ACTN2: variants seen among roughly 807,000 people sequenced by gnomAD.
ACTN2 encodes actinin alpha 2.
Under a neutral mutation model 113.8 loss-of-function variants are expected in ACTN2, and 39 were observed. The ratio of observed to expected loss-of-function variants is 0.34; its 90% CI spans 0.27 to 0.45. The LOEUF is 0.45. Ranked by LOEUF, ACTN2 falls within the 20% of genes least tolerant of loss-of-function variation. The pLI is 1.00. For synonymous variants in ACTN2, 429 were observed against 444.1 expected (o/e 0.97, Z 0.43); for missense variants, 992 against 1,177.9 (o/e 0.84, Z 2.31).
chr1:236,725,330 T>G (rs1658516571), intron 4 of ACTN2, among the ~76,000 whole-genome samples: 1 of 152,120 alleles, frequency 6.6e-6, no homozygotes, highest in Non-Finnish European at 1.5e-5. Context: ...TACACAGTTT[T>G]TAAAAATTTA....
intron 7 of ACTN2, 46 bp from the exon 8 acceptor site, chr1:236,735,589 G>T (rs776458775): frequency 7.0e-7 from 1 of 1,431,968 alleles, no homozygotes; most frequent in Non-Finnish European, 9.9e-7. Context: ...GTATGTGTGT[G>T]GTGTGTGTGT....
In ACTN2 at chr1:236,742,887, C is replaced by T; in HGVS notation, c.1108-9C>T. ...CACATTTGCTTCCCTTGGCTTCCAA[C>T]CATCCCAGGATATTGCTGGTGCCTG... is the stretch of plus-strand genomic sequence containing the variant. On this transcript the variant is annotated splice_polypyrimidine_tract_variant and intron_variant, in intron 10 of 20. Transcript: ENST00000366578. 2.5e-6 allele frequency: 4 copies of T among 1,614,176 alleles called. No individual in the cohort carries two copies. Among genetic ancestry groups the T allele is most frequent in the Non-Finnish European group, 3.4e-6 (4 of 1,180,040 alleles).
chr1:236,762,145 C>T (rs540887886), intron 20 of ACTN2, among the ~76,000 whole-genome samples: 1 of 152,018 alleles, frequency 6.6e-6, no homozygotes, highest in African/African-American at 2.4e-5. Context: ...TTTTTAAAAG[C>T]TTCATCTTTT....
chr1:236,701,508 T>C (rs1003783093), intron 1 of ACTN2, among the ~76,000 whole-genome samples: 2 of 152,228 alleles, frequency 1.3e-5, no homozygotes, highest in Admixed American at 1.3e-4. Context: ...CCAGCCCGGC[T>C]GAGTCCTCCT....
At chr1:236,688,501 C>G (rs1665954265) in intron 1 of ACTN2, among the ~76,000 whole-genome samples, 1 of 151,886 alleles carries the variant, frequency 6.6e-6, no homozygotes, top group Non-Finnish European at 1.5e-5. Context: ...GGATATATGG[C>G]TTCGAATTCT....
chr1:236,730,650 G>A (rs987332578), intron 6 of ACTN2, among the ~76,000 whole-genome samples: 3 of 151,926 alleles, frequency 2.0e-5, no homozygotes, highest in African/African-American at 2.4e-5. Context: ...TAGTTTTTAC[G>A]GTGGAAGGTA....
intron 10 of ACTN2, 38 bp from the exon 11 acceptor site, chr1:236,742,858 G>A: frequency 6.2e-7 from 1 of 1,614,058 alleles, no homozygotes; most frequent in Non-Finnish European, 8.5e-7. Context: ...GAAGGTGCTT[G>A]TTACACATTT....
At chr1:236,688,395 A>C (rs1665950863) in intron 1 of ACTN2, among the ~76,000 whole-genome samples, 1 of 151,700 alleles carries the variant, frequency 6.6e-6, no homozygotes, top group Non-Finnish European at 1.5e-5. Flanking sequence ...TTTTAAGTAC[A>C]GTACAGTAGC....
At chr1:236,741,110 TCA>T (rs367817806) in intron 10 of ACTN2, among the ~76,000 whole-genome samples, 165 of 152,280 alleles carry the variant, frequency 1.1e-3, no homozygotes, top group African/African-American at 3.7e-3. Context: ...AGTGGCACAA[TCA>T]CAGCTCACTG....
At chr1:236,745,198 G>T (rs1659189885) in intron 12 of ACTN2, among the ~76,000 whole-genome samples, 1 of 152,196 alleles carries the variant, frequency 6.6e-6, no homozygotes, top group Non-Finnish European at 1.5e-5. Flanking sequence ...ACTTTGGGAG[G>T]CTGAGGCGGG....
intron 1 of ACTN2, among the ~76,000 whole-genome samples, chr1:236,688,974 G>A (rs984949262): frequency 1.3e-5 from 2 of 152,144 alleles, no homozygotes; most frequent in African/African-American, 2.4e-5. Context: ...TGGATGTGAT[G>A]CCTAATTATA....
chr1:236,750,757 C>A (rs539951539), intron 14 of ACTN2, among the ~76,000 whole-genome samples: 90 of 152,126 alleles, frequency 5.9e-4, no homozygotes, highest in African/African-American at 1.9e-3. Context: ...ATGTTAGATG[C>A]TTTTGTAGGA....
At position 236,744,753 on chromosome 1, in the gene ACTN2, C is replaced by T. The variant is rs34827377; in HGVS notation, c.1383C>T (p.Ile461=). 1.8e-3 allele frequency: 2,899 copies of T among 1,614,120 alleles called. 7 individuals carry two copies. Among genetic ancestry groups the T allele is most frequent in the Non-Finnish European group, 2.2e-3 (2,625 of 1,180,008 alleles). ...CGCACCAGGACCGCGTGGAGCAGAT[C>T]GCAGCCATCGCGCAGGAGCTCAAGT... ...LAAHQDRVEQ[I]AAIAQELNEL... is the part of the protein sequence containing the mutation. The change falls in exon 12 of 21, where the codon ATC becomes ATT. Residue 461 remains isoleucine, a synonymous_variant. Transcript: ENST00000366578.
At chr1:236,761,851 T>A (rs1232079125) in intron 20 of ACTN2, among the ~76,000 whole-genome samples, 1 of 152,184 alleles carries the variant, frequency 6.6e-6, no homozygotes, top group Non-Finnish European at 1.5e-5. Context: ...CAGAGCCATA[T>A]TTATTACCTT....
At chr1:236,708,678 C>T (rs762430336) in intron 1 of ACTN2, among the ~76,000 whole-genome samples, 2 of 152,260 alleles carry the variant, frequency 1.3e-5, no homozygotes, top group South Asian at 2.1e-4. Context: ...CAGCGCAGTT[C>T]GTGTGATGTA....
intron 1 of ACTN2, among the ~76,000 whole-genome samples, chr1:236,688,505 G>A (rs112540270): frequency 0.048 from 7,322 of 151,978 alleles, 243 homozygotes; most frequent in Admixed American, 0.11. Context: ...ATATGGCTTC[G>A]AATTCTTTTA....
intron 1 of ACTN2, among the ~76,000 whole-genome samples, chr1:236,701,985 T>G (rs1449715919): frequency 6.6e-6 from 1 of 152,018 alleles, no homozygotes; most frequent in Non-Finnish European, 1.5e-5. Context: ...TGACGGTGAG[T>G]TCTATTGCTG....
At chr1:236,753,663 G>A (rs1215785457) in intron 15 of ACTN2, among the ~76,000 whole-genome samples, 2 of 152,076 alleles carry the variant, frequency 1.3e-5, no homozygotes, top group African/African-American at 2.4e-5. Flanking sequence ...GAGAATGGTC[G>A]CTGCTCCTAA....
At chr1:236,720,651 T>C (rs548684955) in intron 4 of ACTN2, among the ~76,000 whole-genome samples, 6 of 152,326 alleles carry the variant, frequency 3.9e-5, no homozygotes, top group Admixed American at 3.3e-4. Context: ...AAGACCTCTA[T>C]TGTCACTGTA....
Sources: allele counts gnomAD v4.1 joint callset (sites outside exome capture counted in the v4.1 genomes callset), GRCh38; gene constraint gnomAD v4.1.1; transcripts MANE v1.5; gene names NCBI Gene and HGNC (gene_info 2026-07-23, HGNC 2026-07-21).